IL6R: variants seen among roughly 807,000 people sequenced by gnomAD.
IL6R encodes interleukin-6 receptor subunit alpha.
IL6R carries 38 observed loss-of-function variants against 48.3 expected under a neutral mutation model. The ratio of observed to expected loss-of-function variants is 0.79; its 90% CI spans 0.61 to 1.03. IL6R has a LOEUF of 1.03. Among genes scored for constraint, IL6R ranks in the 50% least tolerant of loss-of-function variants. The pLI is 0.00. For synonymous variants in IL6R, 264 were observed against 256.2 expected (o/e 1.03, Z -0.29); for missense variants, 534 against 618.3 (o/e 0.86, Z 1.45).
rs776320485 is a variant in IL6R, at chr1:154,434,577, A to G, written c.517A>G (p.Lys173Glu). 1 of 1,613,882 alleles carries G rather than the reference A, an allele frequency of 6.2e-7. No homozygotes were observed. Among genetic ancestry groups the G allele is most frequent in the Non-Finnish European group, 8.5e-7 (1 of 1,179,980 alleles). ...GTGCCAGTATTCCCAGGAGTCCCAG[A>G]AGTTCTCCTGCCAGTTAGCAGTCCC... ...EPCQYSQESQ[K>E]FSCQLAVPEG... Residue 173 changes from lysine (K) to glutamate (E), a missense_variant, in exon 4 of 10, where the codon AAG becomes GAG. Lys to Glu is a moderately conservative substitution (Grantham distance 56, BLOSUM62 1). Transcript: ENST00000368485.
chr1:154,416,659 G>T (rs1688372900), intron 1 of IL6R, among the ~76,000 whole-genome samples: 3 of 152,064 alleles, frequency 2.0e-5, no homozygotes, highest in Admixed American at 2.0e-4. Context: ...ACCAGTGTGT[G>T]CGTGCATGTG....
At chr1:154,437,965 C>T (rs893233901) in intron 6 of IL6R, among the ~76,000 whole-genome samples, 12 of 152,072 alleles carry the variant, frequency 7.9e-5, no homozygotes, top group Non-Finnish European at 1.6e-4. Context: ...CCACCCGCCT[C>T]GCCCTCCCAA....
chr1:154,445,542 A>G (rs1372368562), intron 6 of IL6R, among the ~76,000 whole-genome samples: 1 of 152,146 alleles, frequency 6.6e-6, no homozygotes, highest in African/African-American at 2.4e-5. Flanking sequence ...CCAGGTCAGG[A>G]GATCAAGACC....
rs1009280235 is a variant in IL6R at position 154,468,930 on chromosome 1, G to A, written c.*3550G>A. The A allele has an allele frequency of 2.0e-5, 3 of 152,230 alleles. No individual in the cohort carries two copies. Among genetic ancestry groups the A allele is most frequent in the African/African-American group, 7.2e-5 (3 of 41,440 alleles). 9.4% of individuals were successfully genotyped at this position (152,230 alleles called of 1,614,324 possible). On this transcript the variant is annotated 3_prime_UTR_variant, in exon 10 of 10. Transcript: ENST00000368485. ...GGCAACCTGTGACCCTTTGAGGCAA[G>A]AGCCCTGCACCCAGCTGTCCCGTGC...
chr1:154,441,985 A>G (rs927711673), intron 6 of IL6R, among the ~76,000 whole-genome samples: 2 of 152,222 alleles, frequency 1.3e-5, no homozygotes, highest in Non-Finnish European at 1.5e-5. Context: ...ATGCTAAAGC[A>G]TACTGCATTT....
chr1:154,429,520 C>T (rs544082222), intron 2 of IL6R, 76 bp downstream of exon 2: 2 of 1,495,520 alleles, frequency 1.3e-6, no homozygotes, highest in African/African-American at 2.8e-5. Context: ...CAGTCCCTGT[C>T]TGAGCCTTCA....
chr1:154,455,626 G>T (rs1254396295), intron 9 of IL6R, among the ~76,000 whole-genome samples: 5 of 151,054 alleles, frequency 3.3e-5, no homozygotes, highest in African/African-American at 1.2e-4. Context: ...CTAATATTTT[G>T]TGTTTTTAGT....
At chr1:154,441,206 C>T (rs1182216994) in intron 6 of IL6R, among the ~76,000 whole-genome samples, 23 of 152,154 alleles carry the variant, frequency 1.5e-4, no homozygotes, top group Non-Finnish European at 1.6e-4. Flanking sequence ...CTTTCTGGCC[C>T]CCTTCCCCTG....
chr1:154,448,120 C>T lies in IL6R; in HGVS notation c.950-5C>T, dbSNP rs201949342. Reference sequence around the variant, plus strand: ...ACTAATAATGAGCCTTTCTTCTGTCCGCAGAATCCAGGAGTCCTCCAGCTG... The same window carrying T: ...ACTAATAATGAGCCTTTCTTCTGTCTGCAGAATCCAGGAGTCCTCCAGCTG... On this transcript the variant is annotated splice_region_variant and splice_polypyrimidine_tract_variant and intron_variant, in intron 6 of 9. Coordinates refer to ENST00000368485, the MANE Select transcript of IL6R (RefSeq NM_000565.4). The T allele has an allele frequency of 4.0e-5, 65 of 1,612,982 alleles. No homozygotes were observed. Among genetic ancestry groups the T allele is most frequent in the African/African-American group, 4.0e-4 (30 of 75,000 alleles).
intron 9 of IL6R, among the ~76,000 whole-genome samples, chr1:154,456,497 G>C (rs1207957058): frequency 1.3e-5 from 2 of 152,114 alleles, no homozygotes; most frequent in Non-Finnish European, 2.9e-5. Flanking sequence ...GTGAGCCACT[G>C]CACCCGGCCT....
intron 6 of IL6R, among the ~76,000 whole-genome samples, chr1:154,443,585 G>A (rs1270626446): frequency 6.6e-6 from 1 of 152,166 alleles, no homozygotes. Context: ...TGACTAGCAC[G>A]ACCCTGGGGA....
At chr1:154,421,327 T>C (rs1012784807) in intron 1 of IL6R, among the ~76,000 whole-genome samples, 2 of 152,222 alleles carry the variant, frequency 1.3e-5, no homozygotes, top group African/African-American at 4.8e-5. Context: ...TTGACAGGCT[T>C]GGCTCATGCC....
rs150372776 is a variant in IL6R, at chr1:154,446,027, A to G, written c.950-2098A>G. Among the ~76,000 whole-genome samples, 5 of 152,092 alleles carry G rather than the reference A, an allele frequency of 3.3e-5. No homozygotes were observed. The East Asian group carries it at 9.7e-4, about 29-fold the overall frequency. ...GGATTCTCCAGCCTCAGTCTCCCAA[A>G]GTGCTGGGATTACAGGTGTGAGTCC... On this transcript the variant is annotated intron_variant, in intron 6 of 9. Coordinates refer to ENST00000368485, the MANE Select transcript of IL6R (RefSeq NM_000565.4).
rs1323201526 is a variant in IL6R, at chr1:154,405,710, G to T, written c.81G>T (p.Ala27=). 2.0e-6 allele frequency: 3 copies of T among 1,513,454 alleles called. No individual in the cohort carries two copies. Among genetic ancestry groups the T allele is most frequent in the East Asian group, 2.5e-5 (1 of 39,534 alleles). 93.8% of individuals were successfully genotyped at this position (1,513,454 alleles called of 1,614,324 possible). A position where few individuals can be genotyped will look rare whatever the true frequency, so the allele number is the denominator to read the frequency against. ...CGCTGGCCCCAAGGCGCTGCCCTGC[G>T]CAGGGTAAGGGCTTCGGGCGCACCT... is the stretch of plus-strand genomic sequence containing the variant. ...GAALAPRRCP[A]QEVARGVLTS... The change falls in exon 1 of 10, where the codon GCG becomes GCT. Residue 27 remains alanine (A), a synonymous_variant. Transcript: ENST00000368485. The surrounding 1 kb of genome is among the most constrained non-coding windows in gnomAD (Gnocchi z 5.2).
intron 4 of IL6R, 96 bp downstream of exon 4, chr1:154,434,796 G>A: frequency 7.4e-7 from 1 of 1,343,700 alleles, no homozygotes. Context: ...GGGTGGTTGA[G>A]GGGTTTGGTG....
At chr1:154,449,783 A>G (rs1010199510) in intron 7 of IL6R, 128 bp from the exon 8 acceptor site, 1 of 710,928 alleles carries the variant, frequency 1.4e-6, no homozygotes, top group Non-Finnish European at 2.6e-6. Context: ...ACTGTTATGA[A>G]TGAAATGGAG....
At chr1:154,446,812 ATCT>A (rs1485085410) in intron 6 of IL6R, among the ~76,000 whole-genome samples, 1 of 152,178 alleles carries the variant, frequency 6.6e-6, no homozygotes, top group Non-Finnish European at 1.5e-5. Flanking sequence ...GGTGATGTGT[ATCT>A]TTCCATTTTC....
chr1:154,460,911 G>A (rs537304002), intron 9 of IL6R, among the ~76,000 whole-genome samples: 1 of 152,194 alleles, frequency 6.6e-6, no homozygotes, highest in African/African-American at 2.4e-5. Context: ...CTGGGCCTGC[G>A]GGACCACTAC....
Position 154,405,704 on chromosome 1 carries a change from C to T in IL6R, c.75C>T (p.Cys25=). ...GAGCGGCGCTGGCCCCAAGGCGCTG[C>T]CCTGCGCAGGGTAAGGGCTTCGGGC... ...APGAALAPRR[C]PAQEVARGVL... is the part of the protein sequence containing the mutation. The change falls in exon 1 of 10, where the codon TGC becomes TGT. Residue 25 remains cysteine (C), a synonymous_variant. Transcript: ENST00000368485. The surrounding 1 kb of genome is among the most constrained non-coding windows in gnomAD (Gnocchi z 5.2). 6.6e-7 allele frequency: 1 copy of T among 1,517,900 alleles called. No individual in the cohort carries two copies. The highest frequency in any genetic ancestry group is 1.2e-5 in the South Asian group (1 of 82,338). 94.0% of individuals were successfully genotyped at this position (1,517,900 alleles called of 1,614,324 possible). A position where few individuals can be genotyped will look rare whatever the true frequency, so the allele number is the denominator to read the frequency against.
Sources: allele counts gnomAD v4.1 joint callset (sites outside exome capture counted in the v4.1 genomes callset), GRCh38; gene constraint gnomAD v4.1.1; non-coding constraint Gnocchi (gnomAD v3.1); transcripts MANE v1.5; gene names NCBI Gene and HGNC (gene_info 2026-07-23, HGNC 2026-07-21).